The following HOXD11 variants were observed in gnomAD, a reference collection of about 807,000 sequenced individuals.
HOXD11 encodes homeobox protein Hox-D11.
In HOXD11, 16 loss-of-function variants were observed where a neutral mutation model predicts 23.1. That is an observed-to-expected ratio of 0.69 (90% confidence interval 0.47 to 1.05). The LOEUF (loss-of-function observed/expected upper bound fraction) is 1.05. Among genes scored for constraint, HOXD11 ranks in the 50% least tolerant of loss-of-function variants. HOXD11 has a pLI of 0.00. For missense variants in HOXD11, 564 were observed against 495.6 expected, an observed-to-expected ratio of 1.14 and a Z score of -1.31; for synonymous variants, 262 against 224.4, an observed-to-expected ratio of 1.17 and a Z score of -1.50.
chr2:176,107,602 A>G lies in HOXD11; in HGVS notation c.247A>G (p.Ser83Gly). 1 of 1,296,344 alleles carries G rather than the reference A, an allele frequency of 7.7e-7. No homozygotes were observed. The highest frequency in any genetic ancestry group is 3.3e-5 in the East Asian group (1 of 30,134). 80.3% of individuals were successfully genotyped at this position (1,296,344 alleles called of 1,614,324 possible). The change falls in exon 1 of 2, where the codon AGC becomes GGC. Residue 83 changes from serine (S) to glycine (G), a missense_variant. Coordinates refer to ENST00000249504, the MANE Select transcript of HOXD11 (RefSeq NM_021192.3). Reference protein sequence around the residue: ...WPYRGGGGGGSAGGGSSGGGP... With the variant: ...WPYRGGGGGGGAGGGSSGGGP... Reference sequence around the variant, plus strand: ...GTACCGCGGCGGCGGCGGCGGCGGCAGCGCGGGGGGCGGCAGCAGCGGGGG... The same window carrying G: ...GTACCGCGGCGGCGGCGGCGGCGGCGGCGCGGGGGGCGGCAGCAGCGGGGG...
downstream of HOXD11, chr2:176,109,756 C>T (rs1242385335): frequency 5.6e-6 from 1 of 179,600 alleles, no homozygotes; most frequent in African/African-American, 2.4e-5. Flanking sequence ...ACTTTTTAGT[C>T]CCACTAAAAT....
Position 176,108,009 on chromosome 2 carries a change from T to G in HOXD11, c.654T>G (p.Gly218=). 1 of 1,483,138 alleles carries G rather than the reference T, an allele frequency of 6.7e-7. No individual in the cohort carries two copies. 91.9% of individuals were successfully genotyped at this position (1,483,138 alleles called of 1,614,324 possible). A position where few individuals can be genotyped will look rare whatever the true frequency, so the allele number is the denominator to read the frequency against. ...ADKGDPRTGA[G]GGGGSPCTKA... ...AGGGCGACCCCAGGACCGGGGCTGGTGGCGGCGGGGGCAGTCCCTGCACCA... is the reference window on the plus strand; with the variant it reads ...AGGGCGACCCCAGGACCGGGGCTGGGGGCGGCGGGGGCAGTCCCTGCACCA... Residue 218 remains glycine (G), a synonymous_variant, in exon 1 of 2, where the codon GGT becomes GGG. Coordinates refer to ENST00000249504, the MANE Select transcript of HOXD11 (RefSeq NM_021192.3).
At chr2:176,111,647 A>C (rs1282793066), downstream of HOXD11, 3 of 151,466 alleles carry the variant, frequency 2.0e-5, no homozygotes, top group Non-Finnish European at 4.4e-5. Flanking sequence ...TTGCAAAAGA[A>C]TACCTTGGTA....
In HOXD11 at chr2:176,107,427, C is replaced by T. The variant is rs764388908; in HGVS notation, c.72C>T (p.Ala24=). The T allele has an allele frequency of 6.2e-7, 1 of 1,613,916 alleles. No homozygotes were observed. Among genetic ancestry groups the T allele is most frequent in the Non-Finnish European group, 8.5e-7 (1 of 1,179,926 alleles). The change falls in exon 1 of 2, where the codon GCC becomes GCT. Residue 24 remains alanine, a synonymous_variant. Transcript: ENST00000249504. The stretch of plus-strand genomic sequence containing the variant: ...TGCCGGGCTGCGCCTACTATGTGGC[C>T]CCGTCTGACTTCGCTAGCAAGCCTT... ...MYLPGCAYYV[A]PSDFASKPSF...
chr2:176,108,575 G>T (rs1180829032), intron 1 of HOXD11, among the ~76,000 whole-genome samples: 1 of 151,996 alleles, frequency 6.6e-6, no homozygotes, highest in Non-Finnish European at 1.5e-5. Context: ...CAGATGCCCC[G>T]GCGGGCCTGC....
downstream of HOXD11, among the ~76,000 whole-genome samples, chr2:176,114,408 A>G (rs1177980683): frequency 6.6e-6 from 1 of 152,028 alleles, no homozygotes; most frequent in Non-Finnish European, 1.5e-5. Context: ...TAATGTTTAA[A>G]CCCCAGGCTA....
chr2:176,112,922 G>C (rs1343380349), downstream of HOXD11, among the ~76,000 whole-genome samples: 2 of 152,230 alleles, frequency 1.3e-5, no homozygotes, highest in Non-Finnish European at 2.9e-5. Flanking sequence ...CTTACAAAGT[G>C]TGTGGGGCTT....
chr2:176,111,514 A>T (rs1031417194), downstream of HOXD11: 3 of 151,662 alleles, frequency 2.0e-5, no homozygotes, highest in Non-Finnish European at 4.4e-5. Context: ...GGCGGCAGCT[A>T]AGGTGTTTGC....
chr2:176,111,756 T>G (rs1689675038), downstream of HOXD11, among the ~76,000 whole-genome samples: 2 of 148,104 alleles, frequency 1.4e-5, no homozygotes, highest in South Asian at 4.3e-4. Flanking sequence ...AAAATCAGTT[T>G]TCTTGGTTTC....
chr2:176,109,156 C>A lies in HOXD11; in HGVS notation c.*14C>A, dbSNP rs1167546538. ...CCCTTATTTTGAGAGCTCCAGGAAG[C>A]GCCCTCACCCCAGCCCCACTCACCC... On this transcript the variant is annotated 3_prime_UTR_variant, in exon 2 of 2. Coordinates refer to ENST00000249504, the MANE Select transcript of HOXD11 (RefSeq NM_021192.3). The A allele has an allele frequency of 1.3e-6, 2 of 1,526,712 alleles. No individual in the cohort carries two copies. Among genetic ancestry groups the A allele is most frequent in the Non-Finnish European group, 1.8e-6 (2 of 1,100,776 alleles). 94.6% of individuals were successfully genotyped at this position (1,526,712 alleles called of 1,614,324 possible). A position where few individuals can be genotyped will look rare whatever the true frequency, so the allele number is the denominator to read the frequency against.
In HOXD11 at chr2:176,109,461, G is replaced by A; in HGVS notation, c.*319G>A. The A allele has an allele frequency of 3.0e-6, 1 of 332,462 alleles. No individual in the cohort carries two copies. 20.6% of individuals were successfully genotyped at this position (332,462 alleles called of 1,614,324 possible). ...GACACGGCGGGGTCTGTAGGAAGTT[G>A]GGCCGGGTTGGGGGTTGCTAGAAGG... On this transcript the variant is annotated 3_prime_UTR_variant, in exon 2 of 2. Coordinates refer to ENST00000249504, the MANE Select transcript of HOXD11 (RefSeq NM_021192.3).
chr2:176,107,807 CG>C lies in HOXD11; in HGVS notation c.456del (p.Pro153ArgfsTer139). On this transcript the variant is annotated frameshift_variant, in exon 1 of 2. Coordinates refer to ENST00000249504, the MANE Select transcript of HOXD11 (RefSeq NM_021192.3). LOFTEE classifies it high-confidence loss of function. The part of the protein sequence containing the change: ...FKAPEPVCAA[P>X]GPPHGPAGAA... ...GCGCCTGAGCCGGTGTGCGCTGCGCCGGGGCCGCCGCACGGCCCCGCGGGCG... is the reference window on the plus strand; with the variant it reads ...GCGCCTGAGCCGGTGTGCGCTGCGCCGGGCCGCCGCACGGCCCCGCGGGCG... The C allele has an allele frequency of 6.5e-6, 9 of 1,394,602 alleles. No individual in the cohort carries two copies. The South Asian group carries it at 8.9e-5, about 14-fold the overall frequency. The allele number at this position is 1,394,602 out of a possible 1,614,324, so 86.4% of individuals were successfully genotyped here. A position where few individuals can be genotyped will look rare whatever the true frequency, so the allele number is the denominator to read the frequency against.
rs754200766 is a variant in HOXD11, at chr2:176,108,091, G to T, written c.736G>T (p.Glu246Ter). 70 of 1,471,188 alleles carry T rather than the reference G, an allele frequency of 4.8e-5. No individual in the cohort carries two copies. Among genetic ancestry groups the T allele is most frequent in the Non-Finnish European group, 5.4e-5 (60 of 1,117,332 alleles). The allele number at this position is 1,471,188 out of a possible 1,614,324, so 91.1% of individuals were successfully genotyped here. ...AGCAGAAGGCAGCGGTGGCGACGGC[G>T]AGGGCCCCCCGGGAGAGGCGGGGGC... is the stretch of plus-strand genomic sequence containing the variant. ...GAAEGSGGDG[E>*]GPPGEAGAEK... The change falls in exon 1 of 2, where the codon GAG becomes TAG. Residue 246 changes from glutamate to a stop codon, truncating the protein, a stop_gained. Transcript: ENST00000249504. LOFTEE classifies it high-confidence loss of function.
rs773757685 is a variant in HOXD11 at position 176,109,164 on chromosome 2, C to T, written c.*22C>T. 1.4e-4 allele frequency: 212 copies of T among 1,472,494 alleles called. No homozygotes were observed. The highest frequency in any genetic ancestry group is 1.8e-4 in the Non-Finnish European group (185 of 1,051,992). 91.2% of individuals were successfully genotyped at this position (1,472,494 alleles called of 1,614,324 possible). Reference sequence around the variant, plus strand: ...TTGAGAGCTCCAGGAAGCGCCCTCACCCCAGCCCCACTCACCCACCCTCCT... The same window carrying T: ...TTGAGAGCTCCAGGAAGCGCCCTCATCCCAGCCCCACTCACCCACCCTCCT... On this transcript the variant is annotated 3_prime_UTR_variant, in exon 2 of 2. Transcript: ENST00000249504.
chr2:176,108,787 C>G (rs1441032111), intron 1 of HOXD11, 120 bp from the exon 2 acceptor site: 1 of 650,020 alleles, frequency 1.5e-6, no homozygotes, highest in Non-Finnish European at 2.6e-6. Context: ...CTTTCGGCCG[C>G]GGCAGAGAAC....
chr2:176,111,336 C>T (rs560674938), downstream of HOXD11: 1 of 151,754 alleles, frequency 6.6e-6, no homozygotes, highest in Admixed American at 6.6e-5. Flanking sequence ...CTTGTGTGCC[C>T]ACCACCCAAG....
In HOXD11 at chr2:176,108,910, C is replaced by A; in HGVS notation, c.785C>A (p.Ala262Asp). ...CCCTGGTCTCTTTGCCTTGCAGTTG[C>A]CCCCCAGCGGTCCCGGAAAAAGCGC... is the stretch of plus-strand genomic sequence containing the variant. ...AGAEKSSSAV[A>D]PQRSRKKRCP... Residue 262 changes from alanine (A) to aspartate (D), a missense_variant, in exon 2 of 2, where the codon GCC becomes GAC. Ala to Asp is a moderately radical substitution (Grantham distance 126, BLOSUM62 -2). Transcript: ENST00000249504. 6.2e-7 allele frequency: 1 copy of A among 1,610,588 alleles called. No homozygotes were observed.
rs1284818883 is a variant in HOXD11 at position 176,107,859 on chromosome 2, G to A, written c.504G>A (p.Val168=). ...CCGCCTCCAACTTCTACAGCGCGGT[G>A]GGCCGCAATGGCATCTTGCCACAGG... ...AGAASNFYSA[V]GRNGILPQGF... Residue 168 remains valine (V), a synonymous_variant, in exon 1 of 2, where the codon GTG becomes GTA. Coordinates refer to ENST00000249504, the MANE Select transcript of HOXD11 (RefSeq NM_021192.3). The A allele has an allele frequency of 6.9e-7, 1 of 1,450,922 alleles. No homozygotes were observed. The highest frequency in any genetic ancestry group is 2.5e-5 in the Admixed American group (1 of 39,628). 89.9% of individuals were successfully genotyped at this position (1,450,922 alleles called of 1,614,324 possible). A position where few individuals can be genotyped will look rare whatever the true frequency, so the allele number is the denominator to read the frequency against.
At position 176,108,987 on chromosome 2, in the gene HOXD11, A is replaced by C; in HGVS notation, c.862A>C (p.Asn288His). Residue 288 changes from asparagine (N) to histidine (H), a missense_variant, in exon 2 of 2, where the codon AAC becomes CAC. Asn to His is a moderately conservative substitution (Grantham distance 68, BLOSUM62 1). Transcript: ENST00000249504. ...IRELEREFFFNVYINKEKRLQ... is the reference protein window; with the variant it reads ...IRELEREFFFHVYINKEKRLQ... The stretch of plus-strand genomic sequence containing the variant: ...CGAACTGGAACGCGAGTTTTTCTTT[A>C]ACGTGTACATAAACAAAGAGAAAAG... 6.2e-7 allele frequency: 1 copy of C among 1,614,092 alleles called. No individual in the cohort carries two copies. Among genetic ancestry groups the C allele is most frequent in the Non-Finnish European group, 8.5e-7 (1 of 1,179,958 alleles).
Sources: allele counts gnomAD v4.1 joint callset (sites outside exome capture counted in the v4.1 genomes callset), GRCh38; gene constraint gnomAD v4.1.1; transcripts MANE v1.5; gene names NCBI Gene and HGNC (gene_info 2026-07-23, HGNC 2026-07-21).